The following EIF2AK1 variants were observed in gnomAD, a reference collection of about 807,000 sequenced individuals.
EIF2AK1 encodes eukaryotic translation initiation factor 2 alpha kinase 1, also known as eukaryotic translation initiation factor 2-alpha kinase 1.
EIF2AK1 carries 54 observed loss-of-function variants against 77.9 expected under a neutral mutation model. The ratio of observed to expected loss-of-function variants is 0.69; its 90% CI spans 0.56 to 0.87. The LOEUF (loss-of-function observed/expected upper bound fraction) is 0.87, where lower values mean the gene tolerates loss of function less well. Ranked by LOEUF, EIF2AK1 falls within the 40% of genes least tolerant of loss-of-function variation. The pLI, the probability that EIF2AK1 is intolerant of heterozygous loss-of-function variation, is 0.00. For missense variants in EIF2AK1, 810 were observed against 768.6 expected, an observed-to-expected ratio of 1.05 and a Z score of -0.64; for synonymous variants, 314 against 290.5, an observed-to-expected ratio of 1.08 and a Z score of -0.82.
rs1349857727 is a variant in EIF2AK1, at chr7:6,041,238, G to C, written c.792-19C>G. ...TTGCTCTCTGAAAAAAAAAAAAATAGTAAACATAAAAGTCAATGGGCCGAG... is the reference window on the plus strand; with the variant it reads ...TTGCTCTCTGAAAAAAAAAAAAATACTAAACATAAAAGTCAATGGGCCGAG... On this transcript the variant is annotated intron_variant, in intron 8 of 14. Transcript: ENST00000199389. The C allele has an allele frequency of 1.3e-6, 2 of 1,564,596 alleles. No individual in the cohort carries two copies. Among genetic ancestry groups the C allele is most frequent in the East Asian group, 2.2e-5 (1 of 44,656 alleles).
At position 6,044,596 on chromosome 7, in the gene EIF2AK1, C is replaced by T. The variant is rs367624127; in HGVS notation, c.696G>A (p.Ala232=). ...QHPNIVGYHT[A]WIEHVHVIQP... is the part of the protein sequence containing the mutation. Reference sequence around the variant, plus strand: ...GAATCACATGAACATGTTCTATCCACGCGGTGTGATAGCCAACAATATTGG... The same window carrying T: ...GAATCACATGAACATGTTCTATCCATGCGGTGTGATAGCCAACAATATTGG... The change falls in exon 7 of 15, where the codon GCG becomes GCA. Residue 232 remains alanine (A), a synonymous_variant. Coordinates refer to ENST00000199389, the MANE Select transcript of EIF2AK1 (RefSeq NM_014413.4). 1.4e-5 allele frequency: 22 copies of T among 1,613,976 alleles called. No homozygotes were observed. The highest frequency in any genetic ancestry group is 1.3e-4 in the South Asian group (12 of 91,060).
At chr7:6,034,404 C>A (rs1285230447) in intron 11 of EIF2AK1, among the ~76,000 whole-genome samples, 1 of 152,102 alleles carries the variant, frequency 6.6e-6, no homozygotes, top group African/African-American at 2.4e-5. Context: ...CCCTGAGCAC[C>A]CCACCCCAGC....
chr7:6,041,697 C>T (rs978445069), intron 8 of EIF2AK1, among the ~76,000 whole-genome samples: 2 of 151,818 alleles, frequency 1.3e-5, no homozygotes, highest in Non-Finnish European at 2.9e-5. Flanking sequence ...AAAAATTGGC[C>T]GGGTGTGGTG....
chr7:6,039,706 A>G (rs982680530), intron 9 of EIF2AK1, among the ~76,000 whole-genome samples: 20 of 150,832 alleles, frequency 1.3e-4, no homozygotes, highest in African/African-American at 4.9e-4. Flanking sequence ...AGGCCGAGGC[A>G]GGTGGATCAC....
In EIF2AK1 at chr7:6,036,365, T is replaced by A; in HGVS notation, c.1332+1059A>T. 6.6e-7 allele frequency: 1 copy of A among 1,509,340 alleles called. No individual in the cohort carries two copies. Among genetic ancestry groups the A allele is most frequent in the Non-Finnish European group, 8.8e-7 (1 of 1,130,256 alleles). 93.5% of individuals were successfully genotyped at this position (1,509,340 alleles called of 1,614,324 possible). A position where few individuals can be genotyped will look rare whatever the true frequency, so the allele number is the denominator to read the frequency against. The stretch of plus-strand genomic sequence containing the variant: ...TATGGAATTCTGTCTACTGCTGTTA[T>A]GACTTGGCATATACCTCTTGAAATA... On this transcript the variant is annotated intron_variant, in intron 11 of 14. Transcript: ENST00000199389. This position sits in a 1 kb window ranked among gnomAD's most constrained non-coding sequence, Gnocchi z 4.6.
chr7:6,037,405 T>G lies in EIF2AK1; in HGVS notation c.1332+19A>C. 6.5e-7 allele frequency: 1 copy of G among 1,542,786 alleles called. No individual in the cohort carries two copies. Among genetic ancestry groups the G allele is most frequent in the Non-Finnish European group, 8.9e-7 (1 of 1,118,248 alleles). On this transcript the variant is annotated intron_variant, in intron 11 of 14. Coordinates refer to ENST00000199389, the MANE Select transcript of EIF2AK1 (RefSeq NM_014413.4). ...ACAAAGCTCCCACTGCTTTCAATGA[T>G]TTCATCGCCCCCACTTACCTTCAGA... is the stretch of plus-strand genomic sequence containing the variant.
chr7:6,054,550 A>G lies in EIF2AK1; in HGVS notation c.273T>C (p.Phe91=), dbSNP rs1374444657. ...GATTCATTTATTCTTACTTACGCTT[A>G]AACACCTGTCTTGAACGAAGTGGGT... ...EPNPLRSRQV[F]KLLCQTFIKM... The change falls in exon 2 of 15, where the codon TTT becomes TTC. Residue 91 remains phenylalanine, a synonymous_variant. Transcript: ENST00000199389. The G allele has an allele frequency of 1.9e-6, 3 of 1,613,962 alleles. No homozygotes were observed. The highest frequency in any genetic ancestry group is 2.5e-6 in the Non-Finnish European group (3 of 1,180,000).
In EIF2AK1 at chr7:6,023,236, C is replaced by T. The variant is rs1787565234; in HGVS notation, c.*1437G>A. 2 of 1,503,902 alleles carry T rather than the reference C, an allele frequency of 1.3e-6. No homozygotes were observed. The highest frequency in any genetic ancestry group is 1.8e-6 in the Non-Finnish European group (2 of 1,133,072). 93.2% of individuals were successfully genotyped at this position (1,503,902 alleles called of 1,614,324 possible). A position where few individuals can be genotyped will look rare whatever the true frequency, so the allele number is the denominator to read the frequency against. ...GTGGTGTTTGGTGACTGTCCCCTTC[C>T]CCACTGTGCGAGTACTTCCCTCAGG... On this transcript the variant is annotated 3_prime_UTR_variant, in exon 15 of 15. Coordinates refer to ENST00000199389, the MANE Select transcript of EIF2AK1 (RefSeq NM_014413.4).
chr7:6,033,003 C>T lies in EIF2AK1; in HGVS notation c.1333-3971G>A. The T allele has an allele frequency of 7.2e-7, 1 of 1,383,334 alleles. No homozygotes were observed. Among genetic ancestry groups the T allele is most frequent in the South Asian group, 1.3e-5 (1 of 79,270 alleles). The allele number at this position is 1,383,334 out of a possible 1,614,324, so 85.7% of individuals were successfully genotyped here. A position where few individuals can be genotyped will look rare whatever the true frequency, so the allele number is the denominator to read the frequency against. ...TTTGTTTTGAGGCAGGGGTCTCGCT[C>T]TGTTGCCCAGGCTGGAGTGCAATGG... On this transcript the variant is annotated intron_variant, in intron 11 of 14. Transcript: ENST00000199389. This position sits in a 1 kb window ranked among gnomAD's most constrained non-coding sequence, Gnocchi z 4.4.
chr7:6,047,013 A>T lies in EIF2AK1; in HGVS notation c.528T>A (p.Gly176=). The T allele has an allele frequency of 6.2e-7, 1 of 1,613,202 alleles. No homozygotes were observed. Among genetic ancestry groups the T allele is most frequent in the Non-Finnish European group, 8.5e-7 (1 of 1,179,978 alleles). Residue 176 remains glycine (G), a synonymous_variant, in exon 5 of 15, where the codon GGT becomes GGA. Coordinates refer to ENST00000199389, the MANE Select transcript of EIF2AK1 (RefSeq NM_014413.4). ...EFEELAILGK[G]GYGRVYKVRN... ...CAACCTTGTATACTCTTCCGTATCC[A>T]CCTTTTCCTAAGATGGCAAGTTCTT...
In EIF2AK1 at chr7:6,023,835, T is replaced by C. The variant is rs538466939; in HGVS notation, c.*838A>G. On this transcript the variant is annotated 3_prime_UTR_variant, in exon 15 of 15. Transcript: ENST00000199389. ...GTCAATAAAAGCATCATGTAATTTATGGTTTTCATTTTATTTAAAATTCAG... is the reference window on the plus strand; with the variant it reads ...GTCAATAAAAGCATCATGTAATTTACGGTTTTCATTTTATTTAAAATTCAG... 30 of 1,554,602 alleles carry C rather than the reference T, an allele frequency of 1.9e-5. No homozygotes were observed. The highest frequency in any genetic ancestry group is 2.7e-5 in the African/African-American group (2 of 73,288).
intron 10 of EIF2AK1, among the ~76,000 whole-genome samples, chr7:6,038,235 G>A (rs1467417636): frequency 6.6e-6 from 1 of 152,102 alleles, no homozygotes; most frequent in Non-Finnish European, 1.5e-5. Flanking sequence ...TTGGAGACCA[G>A]CCTGGGCAGG....
At position 6,040,951 on chromosome 7, in the gene EIF2AK1, T is replaced by A. The variant is rs1788279533; in HGVS notation, c.1060A>T (p.Ser354Cys). Residue 354 changes from serine to cysteine, a missense_variant, in exon 9 of 15, where the codon AGT (serine) becomes TGT (cysteine). Transcript: ENST00000199389. ...PLRRNSHLEESFTSTEESSEE... is the reference protein window; with the variant it reads ...PLRRNSHLEECFTSTEESSEE... ...GAAGATTCTTCGGTGGATGTGAAAC[T>A]CTCCTCTAGGTGGGAATTACGCCTG... The A allele has an allele frequency of 6.2e-7, 1 of 1,613,896 alleles. No homozygotes were observed. The highest frequency in any genetic ancestry group is 1.1e-5 in the South Asian group (1 of 91,070).
At chr7:6,037,633 ATC>A (rs1315519291) in intron 10 of EIF2AK1, 109 bp from the exon 11 acceptor site, 2 of 719,902 alleles carry the variant, frequency 2.8e-6, no homozygotes, top group Non-Finnish European at 2.4e-6. Context: ...CTTAAGAACA[ATC>A]TAGATTTTCA....
At chr7:6,058,390 C>G (rs1448969779) in intron 1 of EIF2AK1, 2 of 267,420 alleles carry the variant, frequency 7.5e-6, no homozygotes, top group African/African-American at 2.3e-5. Context: ...GCACTCCAGC[C>G]TGGGTGACAC....
intron 11 of EIF2AK1, among the ~76,000 whole-genome samples, chr7:6,031,085 G>C (rs929963879): frequency 6.6e-6 from 1 of 152,120 alleles, no homozygotes; most frequent in African/African-American, 2.4e-5. Flanking sequence ...TTTGATCATT[G>C]TTTCAGCTAC....
chr7:6,059,056 T>C lies in EIF2AK1; in HGVS notation c.28A>G (p.Lys10Glu), dbSNP rs1477243490. 1 of 1,490,838 alleles carries C rather than the reference T, an allele frequency of 6.7e-7. No individual in the cohort carries two copies. The highest frequency in any genetic ancestry group is 8.9e-7 in the Non-Finnish European group (1 of 1,126,186). The allele number at this position is 1,490,838 out of a possible 1,614,324, so 92.4% of individuals were successfully genotyped here. A position where few individuals can be genotyped will look rare whatever the true frequency, so the allele number is the denominator to read the frequency against. Residue 10 changes from lysine (K) to glutamate (E), a missense_variant, in exon 1 of 15, where the codon AAG becomes GAG. By Grantham distance (56) the Lys-to-Glu change is moderately conservative. Coordinates refer to ENST00000199389, the MANE Select transcript of EIF2AK1 (RefSeq NM_014413.4). Reference protein sequence around the residue: MQGGNSGVRKREEEGDGAGA... With the variant: MQGGNSGVREREEEGDGAGA... ...GCCCCGTCGCCCTCCTCTTCGCGCT[T>C]GCGGACCCCGGAGTTGCCCCCCTGC... is the stretch of plus-strand genomic sequence containing the variant.
rs777598704 is a variant in EIF2AK1 at position 6,026,940 on chromosome 7, C to A, written c.1552G>T (p.Val518Leu). The change falls in exon 14 of 15, where the codon GTG becomes TTG. Residue 518 changes from valine to leucine, a missense_variant. Val to Leu is a conservative substitution (Grantham distance 32). This residue lies in a region of EIF2AK1 where 549 missense variants were observed against 533.7 expected (regional missense o/e 1.03). Transcript: ENST00000199389. Reference sequence around the variant, plus strand: ...GGCTGAAAGAGCTCTAGCAGGACCACACCCAAGCTGTACATATCTGACTGG... The same window carrying A: ...GGCTGAAAGAGCTCTAGCAGGACCAAACCCAAGCTGTACATATCTGACTGG... Reference protein sequence around the residue: ...DAKSDMYSLGVVLLELFQPFG... With the variant: ...DAKSDMYSLGLVLLELFQPFG... The A allele has an allele frequency of 6.2e-7, 1 of 1,614,078 alleles. No individual in the cohort carries two copies.
intron 9 of EIF2AK1, among the ~76,000 whole-genome samples, chr7:6,040,086 T>C (rs1788252680): frequency 6.6e-6 from 1 of 152,122 alleles, no homozygotes; most frequent in Non-Finnish European, 1.5e-5. Context: ...TAGTTTTATT[T>C]TTTTATTTTT....
Sources: allele counts gnomAD v4.1 joint callset (sites outside exome capture counted in the v4.1 genomes callset), GRCh38; gene constraint gnomAD v4.1.1; regional missense constraint gnomAD v4.1.1; non-coding constraint Gnocchi (gnomAD v3.1); transcripts MANE v1.5; gene names NCBI Gene and HGNC (gene_info 2026-07-23, HGNC 2026-07-21).